PLEKHA4: variants seen among roughly 807,000 people sequenced by gnomAD.
PLEKHA4 encodes the protein pleckstrin homology domain-containing family A member 4.
In PLEKHA4, 73 loss-of-function variants were observed where a neutral mutation model predicts 94.7. The ratio of observed to expected loss-of-function variants is 0.77; its 90% CI spans 0.64 to 0.94. The LOEUF (loss-of-function observed/expected upper bound fraction) is 0.94. Among genes scored for constraint, PLEKHA4 ranks in the 40% least tolerant of loss-of-function variants. PLEKHA4 has a pLI of 0.00. For missense variants in PLEKHA4, 1,049 were observed against 1,054.1 expected (o/e 1.00, Z 0.07); for synonymous variants, 449 against 437.1 (o/e 1.03, Z -0.34).
intron 14 of PLEKHA4, among the ~76,000 whole-genome samples, chr19:48,846,375 C>T (rs1400334967): frequency 9.9e-5 from 15 of 151,662 alleles, no homozygotes; most frequent in Admixed American, 9.2e-4. Flanking sequence ...GGTGTGAACC[C>T]GGGAGGTAGA....
At position 48,837,924 on chromosome 19, in the gene PLEKHA4, G is replaced by T; in HGVS notation, c.2077+93C>A. The T allele has an allele frequency of 1.9e-6, 2 of 1,049,916 alleles. No homozygotes were observed. Among genetic ancestry groups the T allele is most frequent in the Non-Finnish European group, 2.8e-6 (2 of 702,628 alleles). 65.0% of individuals were successfully genotyped at this position (1,049,916 alleles called of 1,614,324 possible). ...TCACCAAGATAAAAAATTCTCACCG[G>T]CCCCCAGACCCCTCCTCTCCAGGAC... On this transcript the variant is annotated intron_variant, in intron 19 of 19. Coordinates refer to ENST00000263265, the MANE Select transcript of PLEKHA4 (RefSeq NM_020904.3). This position sits in a 1 kb window ranked among gnomAD's most constrained non-coding sequence, Gnocchi z 4.3.
intron 6 of PLEKHA4, chr19:48,860,114 T>G: frequency 1.7e-6 from 1 of 585,300 alleles, no homozygotes; most frequent in Non-Finnish European, 3.0e-6. Flanking sequence ...GCTGAGTGCG[T>G]GACTGAAGGG....
At position 48,855,992 on chromosome 19, in the gene PLEKHA4, GA is replaced by G. The variant is rs891312567; in HGVS notation, c.1047+1429del. On this transcript the variant is annotated intron_variant, in intron 9 of 19. Transcript: ENST00000263265. The stretch of plus-strand genomic sequence containing the variant: ...GTTCAAGACCAGCCTGACCAACATG[GA>G]GAAACCCTGTCTTTACTAAAAATAC... 2.6e-5 allele frequency among the ~76,000 whole-genome samples: 4 copies of G among 151,376 alleles called. No individual in the cohort carries two copies. The Admixed American group carries it at 2.6e-4, about 10-fold the overall frequency.
chr19:48,866,632 GGAGGTGTTCAGAGGCAAGGAA>G (rs2036845506), intron 2 of PLEKHA4, among the ~76,000 whole-genome samples: 1 of 152,106 alleles, frequency 6.6e-6, no homozygotes, highest in Non-Finnish European at 1.5e-5. Flanking sequence ...ATGGGCAGAG[GGAGGTGTTCAGAGGCAAGGAA>G]GAGGCTGTAG....
rs200156522 is a variant in PLEKHA4, at chr19:48,860,450, G to A, written c.376C>T (p.Pro126Ser). 9 of 1,613,764 alleles carry A rather than the reference G, an allele frequency of 5.6e-6. No homozygotes were observed. Among genetic ancestry groups the A allele is most frequent in the Non-Finnish European group, 6.8e-6 (8 of 1,179,836 alleles). Residue 126 changes from proline to serine, a missense_variant, in exon 6 of 20, where the codon CCG becomes TCG. Physicochemically the swap from Pro to Ser is moderately conservative, Grantham distance 74 (BLOSUM62 -1). Transcript: ENST00000263265. ...GRRFTFTAEH[P>S]GMRTYVLAAD... ...GCCAAAACGTAGGTCCTCATGCCCGGGTGCTCTGCCTGCGGGAAGAGAAGG... is the reference window on the plus strand; with the variant it reads ...GCCAAAACGTAGGTCCTCATGCCCGAGTGCTCTGCCTGCGGGAAGAGAAGG...
In PLEKHA4 at chr19:48,841,172, G is replaced by T. The variant is rs775741917; in HGVS notation, c.1882C>A (p.Arg628Ser). The T allele has an allele frequency of 6.2e-7, 1 of 1,611,240 alleles. No individual in the cohort carries two copies. Among genetic ancestry groups the T allele is most frequent in the African/African-American group, 1.3e-5 (1 of 74,892 alleles). The change falls in exon 17 of 20, where the codon CGC becomes AGC. Residue 628 changes from arginine to serine, a missense_variant. Coordinates refer to ENST00000263265, the MANE Select transcript of PLEKHA4 (RefSeq NM_020904.3). ...ACCCTTTGCTCCACGTCAGGCTGGC[G>T]TCTGGCTGGGGACAGTGTCCTTCCC... is the stretch of plus-strand genomic sequence containing the variant. The part of the protein sequence containing the change: ...TLGRTLSPAR[R>S]QPDVEQRPVV...
At chr19:48,852,787 G>C (rs563527251) in intron 12 of PLEKHA4, among the ~76,000 whole-genome samples, 28 of 152,178 alleles carry the variant, frequency 1.8e-4, no homozygotes, top group African/African-American at 6.5e-4. Flanking sequence ...ACAAAAATTA[G>C]CCAGGAATGG....
At chr19:48,852,102 A>G (rs2036215720) in intron 13 of PLEKHA4, 126 bp downstream of exon 13, 1 of 698,614 alleles carries the variant, frequency 1.4e-6, no homozygotes, top group African/African-American at 1.8e-5. Context: ...TTGAAAGGAC[A>G]GAAAGGAGGC....
intron 14 of PLEKHA4, among the ~76,000 whole-genome samples, 182 bp from the exon 15 acceptor site, chr19:48,845,798 T>C (rs1399019462): frequency 6.7e-6 from 1 of 149,242 alleles, no homozygotes; most frequent in Non-Finnish European, 1.5e-5. Context: ...GCAGACCACC[T>C]GAGGAGTTCC....
chr19:48,852,187 G>A (rs2036222185), intron 13 of PLEKHA4, 41 bp downstream of exon 13: 7 of 1,468,314 alleles, frequency 4.8e-6, no homozygotes, highest in Non-Finnish European at 6.7e-6. Flanking sequence ...GCAGAACTTG[G>A]AGTTGGGGGT....
chr19:48,855,055 C>A (rs2036350372), intron 9 of PLEKHA4, among the ~76,000 whole-genome samples: 2 of 152,068 alleles, frequency 1.3e-5, no homozygotes, highest in East Asian at 1.9e-4. Flanking sequence ...TTTCAGTAGA[C>A]CAACTTCCAC....
At chr19:48,851,736 C>T (rs2036197992) in intron 13 of PLEKHA4, among the ~76,000 whole-genome samples, 1 of 152,000 alleles carries the variant, frequency 6.6e-6, no homozygotes, top group Non-Finnish European at 1.5e-5. Context: ...AGGCAGATCA[C>T]TTGAGGTCAG....
Position 48,853,674 on chromosome 19 carries a change from G to T in PLEKHA4, c.1326+8C>A. ...CCTAGGAGGGCAGGCCCCTTCCCAG[G>T]TGCTCACCTGAGTCAAGTGACAGAG... On this transcript the variant is annotated splice_region_variant and intron_variant, in intron 12 of 19. Transcript: ENST00000263265. The T allele has an allele frequency of 1.3e-6, 2 of 1,547,728 alleles. No homozygotes were observed. Among genetic ancestry groups the T allele is most frequent in the Non-Finnish European group, 8.7e-7 (1 of 1,150,472 alleles).
chr19:48,851,090 A>G (rs945044813), intron 13 of PLEKHA4, among the ~76,000 whole-genome samples: 1 of 151,952 alleles, frequency 6.6e-6, no homozygotes, highest in Non-Finnish European at 1.5e-5. Context: ...GCAGTGAGCC[A>G]AGATTGTGCT....
At chr19:48,851,626 CA>C (rs908074920) in intron 13 of PLEKHA4, among the ~76,000 whole-genome samples, 39 of 147,914 alleles carry the variant, frequency 2.6e-4, no homozygotes, top group African/African-American at 4.5e-4. Context: ...CCCTCCCCCT[CA>C]AAAAAAAATG....
rs554983005 is a variant in PLEKHA4, at chr19:48,849,591, G to T, written c.1426-1551C>A. Among the ~76,000 whole-genome samples the T allele has an allele frequency of 1.6e-3, 243 of 152,316 alleles. 3 individuals carry two copies. In the Middle Eastern group the frequency reaches 0.02, roughly 13 times the overall value. Reference sequence around the variant, plus strand: ...CCCAAAGTGCTGGGACTACAGGCGTGAGCCAACACGCCCGGCCGTGTCAAT... The same window carrying T: ...CCCAAAGTGCTGGGACTACAGGCGTTAGCCAACACGCCCGGCCGTGTCAAT... On this transcript the variant is annotated intron_variant, in intron 13 of 19. Coordinates refer to ENST00000263265, the MANE Select transcript of PLEKHA4 (RefSeq NM_020904.3).
Position 48,845,405 on chromosome 19 carries a change from C to T in PLEKHA4, c.1708G>A (p.Gly570Ser). 1.2e-6 allele frequency: 2 copies of T among 1,613,506 alleles called. No homozygotes were observed. The highest frequency in any genetic ancestry group is 1.1e-5 in the South Asian group (1 of 91,038). The change falls in exon 16 of 20, where the codon GGT (glycine) becomes AGT (serine). Residue 570 changes from glycine (G) to serine (S), a missense_variant. By Grantham distance (56) the Gly-to-Ser change is moderately conservative. Coordinates refer to ENST00000263265, the MANE Select transcript of PLEKHA4 (RefSeq NM_020904.3). Reference protein sequence around the residue: ...PRVSRASSPEGRHLPSPQLGT... With the variant: ...PRVSRASSPESRHLPSPQLGT... Reference sequence around the variant, plus strand: ...AGCTGTGGGGAAGGGAGGTGGCGACCCTCAGGGCTGGAAGCCCGGGAGACC... The same window carrying T: ...AGCTGTGGGGAAGGGAGGTGGCGACTCTCAGGGCTGGAAGCCCGGGAGACC...
In PLEKHA4 at chr19:48,864,880, T is replaced by C. The variant is rs146909885; in HGVS notation, c.192+623A>G. ...ACCTGGACCCTATGTTACTTCTTCA[T>C]AGCCCATCCTGCGATCTGAAATGAC... is the stretch of plus-strand genomic sequence containing the variant. On this transcript the variant is annotated intron_variant, in intron 3 of 19. Coordinates refer to ENST00000263265, the MANE Select transcript of PLEKHA4 (RefSeq NM_020904.3). Among the ~76,000 whole-genome samples the C allele has an allele frequency of 1.4e-4, 21 of 152,344 alleles. No homozygotes were observed. The East Asian group carries it at 4.0e-3, about 29-fold the overall frequency.
rs191501515 is a variant in PLEKHA4, at chr19:48,858,498, G to T, written c.972+362C>A. On this transcript the variant is annotated intron_variant, in intron 8 of 19. Transcript: ENST00000263265. Reference sequence around the variant, plus strand: ...AAAAATCAGCCGGACGTGGTGGCAGGTGCCTGTAATCCTAGCTACTCGGGA... The same window carrying T: ...AAAAATCAGCCGGACGTGGTGGCAGTTGCCTGTAATCCTAGCTACTCGGGA... Among the ~76,000 whole-genome samples the T allele has an allele frequency of 1.0e-3, 158 of 151,930 alleles. 2 individuals are homozygous for T. Among genetic ancestry groups the T allele is most frequent in the African/African-American group, 3.5e-3 (146 of 41,384 alleles).
Sources: gnomAD v4.1 joint callset for allele counts (sites outside exome capture counted in the v4.1 genomes callset) on GRCh38, gnomAD v4.1.1 for gene constraint, Gnocchi (gnomAD v3.1) non-coding constraint, MANE v1.5 for transcripts, NCBI Gene and HGNC (gene_info 2026-07-23, HGNC 2026-07-21) for gene names.